Variants in PAX5 observed in about 807,000 individuals in gnomAD.
PAX5 encodes the protein paired box protein Pax-5.
PAX5 carries 9 observed loss-of-function variants against 43.7 expected under a neutral mutation model. The ratio of observed to expected loss-of-function variants is 0.21; its 90% CI spans 0.12 to 0.36. PAX5 has a LOEUF of 0.36. PAX5 is among the 10% of genes least tolerant of loss of function. The pLI is 1.00. For missense variants in PAX5, 383 were observed against 532.7 expected (o/e 0.72, Z 2.77); for synonymous variants, 228 against 214.3 (o/e 1.06, Z -0.56).
intron 5 of PAX5, among the ~76,000 whole-genome samples, chr9:37,002,137 C>G: frequency 6.6e-6 from 1 of 152,152 alleles, no homozygotes; most frequent in Admixed American, 6.5e-5. Flanking sequence ...GCACCGCCCC[C>G]CAACACCATC....
intron 2 of PAX5, among the ~76,000 whole-genome samples, chr9:37,016,752 A>G (rs1839422060): frequency 6.6e-6 from 1 of 152,226 alleles, no homozygotes; most frequent in Non-Finnish European, 1.5e-5. Flanking sequence ...ATGATAGGTA[A>G]GGGAACGAGG....
intron 8 of PAX5, among the ~76,000 whole-genome samples, chr9:36,867,510 G>A (rs77776435): frequency 0.018 from 2,802 of 152,284 alleles, 34 homozygotes; most frequent in Middle Eastern, 0.065. Context: ...CATGAAAGGG[G>A]CACATGAATA....
chr9:36,934,798 G>A (rs1309022941), intron 6 of PAX5, among the ~76,000 whole-genome samples: 1 of 152,208 alleles, frequency 6.6e-6, no homozygotes, highest in Non-Finnish European at 1.5e-5. Context: ...CCCAGCTAGA[G>A]TGTGAGCTTC....
At chr9:36,934,211 T>G (rs906022292) in intron 6 of PAX5, among the ~76,000 whole-genome samples, 1 of 152,226 alleles carries the variant, frequency 6.6e-6, no homozygotes, top group African/African-American at 2.4e-5. Flanking sequence ...TTGGTACCTT[T>G]TCTCATTTGT....
chr9:37,030,614 T>G (rs540228842), intron 1 of PAX5, among the ~76,000 whole-genome samples: 2 of 152,320 alleles, frequency 1.3e-5, no homozygotes, highest in Admixed American at 1.3e-4. Context: ...GAAAGGAAAC[T>G]ATCCAGGAAG....
chr9:36,905,389 C>G (rs942131695), intron 7 of PAX5, among the ~76,000 whole-genome samples: 1 of 152,158 alleles, frequency 6.6e-6, no homozygotes, highest in Non-Finnish European at 1.5e-5. Context: ...ACTGGGCAGA[C>G]GGCAAAACTG....
At chr9:36,952,856 A>C (rs372608944) in intron 6 of PAX5, among the ~76,000 whole-genome samples, 16 of 152,334 alleles carry the variant, frequency 1.1e-4, no homozygotes, top group East Asian at 3.9e-4. Flanking sequence ...ATTACTTTAC[A>C]CAAACAGTTA....
chr9:36,922,492 C>T (rs12553834), intron 7 of PAX5, among the ~76,000 whole-genome samples: 43,294 of 152,120 alleles, frequency 0.28, 7,490 homozygotes, highest in Non-Finnish European at 0.39. Context: ...CACGTTACCC[C>T]AGCACAGCTG....
rs576653546 is a variant in PAX5 at position 37,034,098 on chromosome 9, CTTTT to C, written c.-71_-68del. The stretch of plus-strand genomic sequence containing the variant: ...TCCACTTTTTTGTGCCTTTTTTTTT[CTTTT>C]TTTTTTTTTTTTTTTTTTTTTTTTG... On this transcript the variant is annotated 5_prime_UTR_variant, in exon 1 of 10. Transcript: ENST00000358127. 0.035 allele frequency: 10,720 copies of C among 307,324 alleles called. No homozygotes were observed. Among genetic ancestry groups the C allele is most frequent in the Middle Eastern group, 0.051 (53 of 1,032 alleles). 19.0% of individuals were successfully genotyped at this position (307,324 alleles called of 1,614,324 possible). A position where few individuals can be genotyped will look rare whatever the true frequency, so the allele number is the denominator to read the frequency against.
At chr9:36,996,993 A>G (rs1387235606) in intron 5 of PAX5, among the ~76,000 whole-genome samples, 1 of 152,202 alleles carries the variant, frequency 6.6e-6, no homozygotes, top group Non-Finnish European at 1.5e-5. Context: ...GGAAGGTTCA[A>G]TAAACAGGAA....
Position 37,033,599 on chromosome 9 carries a change from T to TACACACACAC in PAX5, c.46+377_46+386dup, listed in dbSNP as rs56039556. 1.4e-3 allele frequency among the ~76,000 whole-genome samples: 203 copies of TACACACACAC among 149,274 alleles called. 1 individual carries two copies. Among genetic ancestry groups the TACACACACAC allele is most frequent in the Middle Eastern group, 7.0e-3 (2 of 284 alleles). ...CACGAATACCCCACGAGTATAAAGA[T>TACACACACAC]ACACACACACACACACACACACACA... On this transcript the variant is annotated intron_variant, in intron 1 of 9. Transcript: ENST00000358127.
At chr9:36,899,159 G>A (rs924061374) in intron 7 of PAX5, among the ~76,000 whole-genome samples, 8 of 152,108 alleles carry the variant, frequency 5.3e-5, no homozygotes, top group Admixed American at 6.5e-5. Context: ...AAATGTTGCC[G>A]CAGAGTCCTG....
rs11789961 is a variant in PAX5 at position 36,973,083 on chromosome 9, C to A, written c.605-6359G>T. On this transcript the variant is annotated intron_variant, in intron 5 of 9. Coordinates refer to ENST00000358127, the MANE Select transcript of PAX5 (RefSeq NM_016734.3). Reference sequence around the variant, plus strand: ...AGGAAAGGAAAGGAACGGAACGGAACGGAAAGGAAAGGAAAGGAAAGGAAA... The same window carrying A: ...AGGAAAGGAAAGGAACGGAACGGAAAGGAAAGGAAAGGAAAGGAAAGGAAA... Among the ~76,000 whole-genome samples, 272 of 74,476 alleles carry A rather than the reference C, an allele frequency of 3.7e-3. 6 individuals are homozygous for A. The highest frequency in any genetic ancestry group is 5.0e-3 in the African/African-American group (74 of 14,696). 48.9% of individuals were successfully genotyped at this position (74,476 alleles called of 152,430 possible). A position where few individuals can be genotyped will look rare whatever the true frequency, so the allele number is the denominator to read the frequency against.
intron 5 of PAX5, among the ~76,000 whole-genome samples, chr9:36,987,441 A>G (rs1410833695): frequency 6.6e-6 from 1 of 152,256 alleles, no homozygotes; most frequent in Non-Finnish European, 1.5e-5. Context: ...CAGCTTATAA[A>G]GCACTTTCTC....
At chr9:36,975,235 G>T (rs143380428) in intron 5 of PAX5, among the ~76,000 whole-genome samples, 2 of 152,290 alleles carry the variant, frequency 1.3e-5, no homozygotes, top group African/African-American at 4.8e-5. Context: ...CAGAGCACTT[G>T]CACAGCTCCT....
intron 8 of PAX5, among the ~76,000 whole-genome samples, chr9:36,851,898 C>G (rs1823195649): frequency 1.3e-5 from 2 of 152,304 alleles, no homozygotes; most frequent in South Asian, 2.1e-4. Context: ...GCTCTGCTCT[C>G]TGCTGTTGCC....
At chr9:36,973,098 A>C (rs143639366) in intron 5 of PAX5, among the ~76,000 whole-genome samples, 3,002 of 84,578 alleles carry the variant, frequency 0.035, 105 homozygotes, top group African/African-American at 0.13. Context: ...AGGAAAGGAA[A>C]GGAAAGGAAA....
chr9:36,979,288 C>A (rs1024321925), intron 5 of PAX5, among the ~76,000 whole-genome samples: 3 of 152,166 alleles, frequency 2.0e-5, no homozygotes, highest in African/African-American at 7.2e-5. Flanking sequence ...AACACACACA[C>A]AGGAATGGTG....
intron 3 of PAX5, among the ~76,000 whole-genome samples, chr9:37,014,073 T>C (rs1291903201): frequency 6.6e-6 from 1 of 152,210 alleles, no homozygotes; most frequent in African/African-American, 2.4e-5. Flanking sequence ...CCCTTCTCTT[T>C]TCTCTGCAGA....
Sources: allele counts gnomAD v4.1 joint callset (sites outside exome capture counted in the v4.1 genomes callset), GRCh38; gene constraint gnomAD v4.1.1; transcripts MANE v1.5; gene names NCBI Gene and HGNC (gene_info 2026-07-23, HGNC 2026-07-21).